The following PATL1 variants were observed in gnomAD, a reference collection of about 807,000 sequenced individuals.
The protein encoded by PATL1 is protein PAT1 homolog 1.
PATL1 carries 32 observed loss-of-function variants against 100.6 expected under a neutral mutation model. That is an observed-to-expected ratio of 0.32 (90% confidence interval 0.24 to 0.43). The LOEUF (loss-of-function observed/expected upper bound fraction) is 0.43, where lower values mean the gene tolerates loss of function less well. Among genes scored for constraint, PATL1 ranks in the 20% least tolerant of loss-of-function variants. The pLI, the probability that PATL1 is intolerant of heterozygous loss-of-function variation, is 1.00. For missense variants in PATL1, 747 were observed against 949.9 expected (o/e 0.79, Z 2.81); for synonymous variants, 332 against 330.0 (o/e 1.01, Z -0.07).
At chr11:59,663,722 C>G (rs1039622588) in intron 2 of PATL1, among the ~76,000 whole-genome samples, 2 of 152,014 alleles carry the variant, frequency 1.3e-5, no homozygotes, top group Non-Finnish European at 2.9e-5. Context: ...TTTTTTCATG[C>G]AGAAGACTAG....
chr11:59,668,118 C>T (rs1373326654), intron 1 of PATL1, among the ~76,000 whole-genome samples: 1 of 152,224 alleles, frequency 6.6e-6, no homozygotes, highest in African/African-American at 2.4e-5. Context: ...TCTACTTTAC[C>T]AAATCGCTGC....
intron 11 of PATL1, 50 bp downstream of exon 11, chr11:59,652,414 A>G (rs1288009620): frequency 1.3e-6 from 2 of 1,576,748 alleles, no homozygotes; most frequent in Admixed American, 3.9e-5. Flanking sequence ...TCACATCAGC[A>G]GCTTCTCAAA....
At chr11:59,652,095 C>CA (rs1179659660) in intron 11 of PATL1, among the ~76,000 whole-genome samples, 16 of 86,148 alleles carry the variant, frequency 1.9e-4, no homozygotes, top group Admixed American at 9.1e-4. Flanking sequence ...AAAAAAAAGA[C>CA]AAAAAATCAA....
chr11:59,653,037 A>T lies in PATL1; in HGVS notation c.1122-19T>A, dbSNP rs747311458. On this transcript the variant is annotated intron_variant, in intron 9 of 18. Coordinates refer to ENST00000300146, the MANE Select transcript of PATL1 (RefSeq NM_152716.3). ...ATGCTGACTGAAAAACATACACCACATTCATTCCATGTGGGCAAATTAATT... is the reference window on the plus strand; with the variant it reads ...ATGCTGACTGAAAAACATACACCACTTTCATTCCATGTGGGCAAATTAATT... The T allele has an allele frequency of 6.3e-7, 1 of 1,582,606 alleles. No homozygotes were observed. Among genetic ancestry groups the T allele is most frequent in the African/African-American group, 1.3e-5 (1 of 74,210 alleles).
chr11:59,646,266 T>G (rs1861363956), intron 15 of PATL1, among the ~76,000 whole-genome samples: 1 of 150,810 alleles, frequency 6.6e-6, no homozygotes, highest in African/African-American at 2.5e-5. Flanking sequence ...TAACTCATTT[T>G]TCATTTGTGG....
intron 16 of PATL1, chr11:59,642,615 A>G (rs766755186): frequency 9.2e-5 from 29 of 316,548 alleles, no homozygotes; most frequent in Non-Finnish European, 1.5e-4. Context: ...CACTGGTAAG[A>G]ATGGCAGAGG....
Position 59,652,450 on chromosome 11 carries a change from T to C in PATL1, c.1426+14A>G. 3 of 1,595,872 alleles carry C rather than the reference T, an allele frequency of 1.9e-6. No individual in the cohort carries two copies. The highest frequency in any genetic ancestry group is 1.1e-5 in the South Asian group (1 of 87,168). On this transcript the variant is annotated intron_variant, in intron 11 of 18. Coordinates refer to ENST00000300146, the MANE Select transcript of PATL1 (RefSeq NM_152716.3). ...TTTCTTTTATTATGGGCATTTTTCT[T>C]ATGAGGACCTTACCTGGCTTATAGG... is the stretch of plus-strand genomic sequence containing the variant.
Position 59,651,644 on chromosome 11 carries a change from G to T in PATL1, c.1427-3C>A. The stretch of plus-strand genomic sequence containing the variant: ...TCCCAAAGAGCCCTCAAATTGCACT[G>T]CAAAGACAAAAAAAAAAAAAATTCC... On this transcript the variant is annotated splice_polypyrimidine_tract_variant and splice_region_variant and intron_variant, in intron 11 of 18. Transcript: ENST00000300146. 1 of 1,554,020 alleles carries T rather than the reference G, an allele frequency of 6.4e-7. No individual in the cohort carries two copies. The highest frequency in any genetic ancestry group is 8.7e-7 in the Non-Finnish European group (1 of 1,147,780).
Position 59,650,833 on chromosome 11 carries a change from TC to T in PATL1, c.1525-21del. On this transcript the variant is annotated intron_variant, in intron 12 of 18. Coordinates refer to ENST00000300146, the MANE Select transcript of PATL1 (RefSeq NM_152716.3). ...TGTCTCCTAAAAAAGAGAAGACTAT[TC>T]AATGCAAATTCTTTATCTCTGTTAA... is the stretch of plus-strand genomic sequence containing the variant. The T allele has an allele frequency of 6.7e-7, 1 of 1,502,640 alleles. No individual in the cohort carries two copies. Among genetic ancestry groups the T allele is most frequent in the African/African-American group, 1.4e-5 (1 of 72,094 alleles). 93.1% of individuals were successfully genotyped at this position (1,502,640 alleles called of 1,614,324 possible). A position where few individuals can be genotyped will look rare whatever the true frequency, so the allele number is the denominator to read the frequency against.
At chr11:59,645,470 C>T (rs1269963137) in intron 15 of PATL1, among the ~76,000 whole-genome samples, 1 of 149,860 alleles carries the variant, frequency 6.7e-6, no homozygotes, top group Non-Finnish European at 1.5e-5. Context: ...CTTGCAAAAA[C>T]AGTTATTTTC....
chr11:59,640,969 C>T (rs1445384459), intron 16 of PATL1, among the ~76,000 whole-genome samples: 1 of 151,892 alleles, frequency 6.6e-6, no homozygotes, highest in South Asian at 2.1e-4. Context: ...GTCAGGAGCC[C>T]CGGACCAGCC....
intron 1 of PATL1, 101 bp downstream of exon 1, chr11:59,668,780 G>C: frequency 4.9e-6 from 3 of 617,720 alleles, no homozygotes; most frequent in Non-Finnish European, 5.7e-6. Flanking sequence ...CCCCCAGCCC[G>C]CCCCCTGCCC....
chr11:59,646,668 A>G (rs1861369725), intron 15 of PATL1, among the ~76,000 whole-genome samples: 1 of 152,158 alleles, frequency 6.6e-6, no homozygotes, highest in African/African-American at 2.4e-5. Context: ...TTAGATCGTT[A>G]TTACTCAACT....
intron 14 of PATL1, among the ~76,000 whole-genome samples, chr11:59,649,195 A>C (rs539783018): frequency 2.6e-5 from 4 of 152,334 alleles, no homozygotes; most frequent in African/African-American, 9.6e-5. Context: ...GTTACCCACT[A>C]TATCTCTAGT....
At chr11:59,659,743 C>T (rs1418044979) in intron 2 of PATL1, among the ~76,000 whole-genome samples, 4 of 151,920 alleles carry the variant, frequency 2.6e-5, no homozygotes, top group Non-Finnish European at 5.9e-5. Flanking sequence ...TTTCACCATG[C>T]TGGCCAGGCT....
chr11:59,646,547 C>T (rs920974687), intron 15 of PATL1, among the ~76,000 whole-genome samples: 9 of 152,108 alleles, frequency 5.9e-5, no homozygotes, highest in African/African-American at 2.2e-4. Flanking sequence ...ACCTAAACTT[C>T]TCATTCATTT....
Position 59,650,827 on chromosome 11 carries a change from G to A in PATL1, c.1525-14C>T. 6.5e-7 allele frequency: 1 copy of A among 1,528,032 alleles called. No individual in the cohort carries two copies. Among genetic ancestry groups the A allele is most frequent in the South Asian group, 1.2e-5 (1 of 82,342 alleles). The allele number at this position is 1,528,032 out of a possible 1,614,324, so 94.7% of individuals were successfully genotyped here. ...TTCTTTTGTCTCCTAAAAAAGAGAA[G>A]ACTATTCAATGCAAATTCTTTATCT... On this transcript the variant is annotated splice_polypyrimidine_tract_variant and intron_variant, in intron 12 of 18. Coordinates refer to ENST00000300146, the MANE Select transcript of PATL1 (RefSeq NM_152716.3).
intron 5 of PATL1, chr11:59,657,148 C>T (rs1390907733): frequency 3.0e-6 from 3 of 984,366 alleles, no homozygotes; most frequent in African/African-American, 1.7e-5. Context: ...CAGGACTGCA[C>T]AGGCTCTAGG....
intron 2 of PATL1, among the ~76,000 whole-genome samples, chr11:59,663,871 T>C (rs958889560): frequency 5.3e-5 from 8 of 152,202 alleles, no homozygotes; most frequent in Admixed American, 3.3e-4. Context: ...ATTTCACCTC[T>C]TGATTTAAAC....
Sources: gnomAD v4.1 joint callset for allele counts (sites outside exome capture counted in the v4.1 genomes callset) on GRCh38, gnomAD v4.1.1 for gene constraint, MANE v1.5 for transcripts, NCBI Gene and HGNC (gene_info 2026-07-23, HGNC 2026-07-21) for gene names.